Variants in ADAM20 observed in about 807,000 individuals in gnomAD.
ADAM20 encodes the protein disintegrin and metalloproteinase domain-containing protein 20.
For missense variants in ADAM20, 871 were observed against 883.2 expected, an observed-to-expected ratio of 0.99 and a Z score of 0.18; for synonymous variants, 305 against 310.2, an observed-to-expected ratio of 0.98 and a Z score of 0.18.
At chr14:70,537,709 T>C (rs1218555674), upstream of ADAM20, among the ~76,000 whole-genome samples, 1 of 152,110 alleles carries the variant, frequency 6.6e-6, no homozygotes, top group Non-Finnish European at 1.5e-5. Flanking sequence ...ACATTCCTCA[T>C]CCTCTCCACT....
At chr14:70,531,450 C>A (rs1018344832) in intron 1 of ADAM20, among the ~76,000 whole-genome samples, 1 of 152,036 alleles carries the variant, frequency 6.6e-6, no homozygotes, top group Non-Finnish European at 1.5e-5. Context: ...AGATCTGGAA[C>A]AAGGCAAGAA....
In ADAM20 at chr14:70,522,538, G is replaced by T. The variant is rs1307811290; in HGVS notation, c.*39C>A. On this transcript the variant is annotated 3_prime_UTR_variant, in exon 2 of 2. Transcript: ENST00000256389. ...TATTAAAAAATTGGATATTAAAAAT[G>T]AAGTATAAAGTTTAGTCTCCTTCTT... is the stretch of plus-strand genomic sequence containing the variant. 6.1e-6 allele frequency: 9 copies of T among 1,468,006 alleles called. No homozygotes were observed. The South Asian group carries it at 1.3e-4, about 21-fold the overall frequency. The allele number at this position is 1,468,006 out of a possible 1,614,324, so 90.9% of individuals were successfully genotyped here. A position where few individuals can be genotyped will look rare whatever the true frequency, so the allele number is the denominator to read the frequency against.
At chr14:70,537,893 G>A (rs1472299815), upstream of ADAM20, among the ~76,000 whole-genome samples, 1 of 152,032 alleles carries the variant, frequency 6.6e-6, no homozygotes, top group Non-Finnish European at 1.5e-5. Flanking sequence ...ACAGTAAATG[G>A]CAAGAGGTTC....
the ADAM20 span, among the ~76,000 whole-genome samples, chr14:70,558,227 AAG>A: frequency 2.0e-5 from 3 of 152,144 alleles, no homozygotes; most frequent in South Asian, 6.2e-4. Flanking sequence ...AAAAATTATA[AAG>A]AGATATAAAA....
chr14:70,536,247 C>T (rs755900851), upstream of ADAM20, among the ~76,000 whole-genome samples: 15 of 151,868 alleles, frequency 9.9e-5, no homozygotes, highest in Non-Finnish European at 2.1e-4. Flanking sequence ...AGGTGGATCA[C>T]CTGAGGTCAG....
chr14:70,534,953 T>C lies in ADAM20; in HGVS notation c.-333A>G, dbSNP rs1883801122. The C allele has an allele frequency of 1.3e-5, 2 of 152,184 alleles. No homozygotes were observed. The highest frequency in any genetic ancestry group is 2.9e-5 in the Non-Finnish European group (2 of 68,022). The allele number at this position is 152,184 out of a possible 1,614,324, so 9.4% of individuals were successfully genotyped here. On this transcript the variant is annotated 5_prime_UTR_variant, in exon 1 of 2. Coordinates refer to ENST00000256389, the MANE Select transcript of ADAM20 (RefSeq NM_003814.5). ...TAGGAGTGATACCAAAAAAGAAAGA[T>C]AAAATGGGAATCTGAGATTGATGTG... is the stretch of plus-strand genomic sequence containing the variant.
chr14:70,541,191 T>C, the ADAM20 span, among the ~76,000 whole-genome samples: 795 of 152,332 alleles, frequency 5.2e-3, 6 homozygotes, highest in African/African-American at 0.018. Flanking sequence ...ATGTGAGAGA[T>C]TGTCTGAAGG....
upstream of ADAM20, among the ~76,000 whole-genome samples, chr14:70,538,714 AG>A (rs1478017500): frequency 2.0e-5 from 3 of 152,212 alleles, no homozygotes; most frequent in African/African-American, 7.2e-5. Context: ...CTGGAATTAG[AG>A]GTGGATAAGT....
At position 70,524,219 on chromosome 14, in the gene ADAM20, A is replaced by AT. The variant is rs776447717; in HGVS notation, c.538dup (p.Ile180AsnfsTer12). 15 of 1,613,798 alleles carry AT rather than the reference A, an allele frequency of 9.3e-6. No individual in the cohort carries two copies. The South Asian group carries it at 9.9e-5, about 11-fold the overall frequency. On this transcript the variant is annotated frameshift_variant, in exon 2 of 2. Transcript: ENST00000256389. LOFTEE classifies it low-confidence loss of function (END_TRUNC). ...CAATTGCAACTCCATCTGGTGTGCT[A>AT]TTTTCTCTTCTGTTAACCCACATCT... is the stretch of plus-strand genomic sequence containing the variant.
Position 70,534,093 on chromosome 14 carries a change from A to C in ADAM20, c.-177+704T>G, listed in dbSNP as rs1307897838. ...GCAAGACCCTGTCTCAAAAAAAAAA[A>C]AAAAAAAAAAAAAAACACACACACA... On this transcript the variant is annotated intron_variant, in intron 1 of 1. Transcript: ENST00000256389. Among the ~76,000 whole-genome samples, 1,136 of 147,934 alleles carry C rather than the reference A, an allele frequency of 7.7e-3. 13 individuals are homozygous for C. Among genetic ancestry groups the C allele is most frequent in the African/African-American group, 0.026 (1,063 of 40,386 alleles).
At chr14:70,564,728 T>C in the ADAM20 span, among the ~76,000 whole-genome samples, 6 of 137,196 alleles carry the variant, frequency 4.4e-5, no homozygotes, top group Non-Finnish European at 9.2e-5. Context: ...AACAAAGAGA[T>C]AGACGCAATT....
rs1883720483 is a variant in ADAM20 at position 70,531,948 on chromosome 14, G to A, written c.-177+2849C>T. Among the ~76,000 whole-genome samples, 3 of 152,046 alleles carry A rather than the reference G, an allele frequency of 2.0e-5. No individual in the cohort carries two copies. In the South Asian group the frequency reaches 6.2e-4, roughly 32 times the overall value. ...TCCAAAGCAATCTACAGATTCAATA[G>A]AATCCCTAACAAAATCTCAGTGGCA... On this transcript the variant is annotated intron_variant, in intron 1 of 1. Coordinates refer to ENST00000256389, the MANE Select transcript of ADAM20 (RefSeq NM_003814.5).
chr14:70,546,799 ACAAAGATCAGAG>A, the ADAM20 span, among the ~76,000 whole-genome samples: 6 of 152,228 alleles, frequency 3.9e-5, no homozygotes, highest in Non-Finnish European at 7.3e-5. Context: ...AGAAAAAATA[ACAAAGATCAGAG>A]CAAAGATAAA....
chr14:70,577,586 C>G, the ADAM20 span, among the ~76,000 whole-genome samples: 1 of 152,086 alleles, frequency 6.6e-6, no homozygotes, highest in Non-Finnish European at 1.5e-5. Flanking sequence ...AGAACTATAA[C>G]CCCTAAAATT....
At chr14:70,560,432 G>T in the ADAM20 span, among the ~76,000 whole-genome samples, 1 of 152,076 alleles carries the variant, frequency 6.6e-6, no homozygotes, top group African/African-American at 2.4e-5. Flanking sequence ...AATGTAATGG[G>T]GGTAGGGAGG....
At chr14:70,561,959 C>T in the ADAM20 span, among the ~76,000 whole-genome samples, 1 of 152,236 alleles carries the variant, frequency 6.6e-6, no homozygotes, top group Non-Finnish European at 1.5e-5. Flanking sequence ...GGAGTCCCCA[C>T]ATAGAGTCCC....
Position 70,523,371 on chromosome 14 carries a change from T to C in ADAM20, c.1387A>G (p.Thr463Ala). 6.2e-7 allele frequency: 1 copy of C among 1,614,088 alleles called. No homozygotes were observed. The change falls in exon 2 of 2, where the codon ACT becomes GCT. Residue 463 changes from threonine (T) to alanine (A), a missense_variant. Transcript: ENST00000256389. ...TCACCAACTTGTTGTCTACATAAAG[T>C]TCCTGATGGCAGAAATTTGCAGTCT... ...CKDCKFLPSGTLCRQQVGECD... is the reference protein window; with the variant it reads ...CKDCKFLPSGALCRQQVGECD...
the ADAM20 span, among the ~76,000 whole-genome samples, chr14:70,553,525 T>TAAAAAAAAAA: frequency 7.0e-5 from 4 of 56,974 alleles, no homozygotes; most frequent in East Asian, 4.4e-4. Context: ...GCAAAAATCC[T>TAAAAAAAAAA]AAAAAAAAAA....
At chr14:70,555,825 G>C in the ADAM20 span, among the ~76,000 whole-genome samples, 1 of 152,032 alleles carries the variant, frequency 6.6e-6, no homozygotes, top group East Asian at 1.9e-4. Flanking sequence ...AAACCACTTA[G>C]TTTCTGGTTC....
Sources: allele counts gnomAD v4.1 joint callset (sites outside exome capture counted in the v4.1 genomes callset), GRCh38; gene constraint gnomAD v4.1.1; transcripts MANE v1.5; gene names NCBI Gene and HGNC (gene_info 2026-07-23, HGNC 2026-07-21).